Variants in DNM3 observed in about 807,000 individuals in gnomAD.
DNM3 encodes the protein dynamin 3.
A neutral mutation model predicts 101.6 loss-of-function variants in DNM3; 47 were observed. The observed-to-expected ratio is 0.46, with a 90% CI of 0.37 to 0.59. The LOEUF (loss-of-function observed/expected upper bound fraction) is 0.59. Among genes scored for constraint, DNM3 ranks in the 20% least tolerant of loss-of-function variants. DNM3 has a pLI of 0.00. For missense variants in DNM3, 849 were observed against 1,085.7 expected, an observed-to-expected ratio of 0.78 and a Z score of 3.06; for synonymous variants, 385 against 387.9, an observed-to-expected ratio of 0.99 and a Z score of 0.09.
intron 16 of DNM3, among the ~76,000 whole-genome samples, chr1:172,316,945 A>C (rs563075307): frequency 5.1e-4 from 78 of 152,322 alleles, no homozygotes; most frequent in African/African-American, 1.8e-3. Flanking sequence ...CATTTTTTTC[A>C]GCACCGCACC....
intron 2 of DNM3, among the ~76,000 whole-genome samples, chr1:171,976,733 A>G (rs2044401691): frequency 6.6e-6 from 1 of 152,228 alleles, no homozygotes; most frequent in Admixed American, 6.5e-5. Flanking sequence ...ATACTCATAG[A>G]AAAAGTTTTT....
rs148551609 is a variant in DNM3 at position 172,239,616 on chromosome 1, G to A, written c.1660-13957G>A. ...CCCCTCATGGGATTCCTCTTCCATG[G>A]TCTTTGTCTCCAGAAGCTGAGGATA... On this transcript the variant is annotated intron_variant, in intron 14 of 20. Coordinates refer to ENST00000627582, the MANE Select transcript of DNM3 (RefSeq NM_015569.5). Among the ~76,000 whole-genome samples, 613 of 152,006 alleles carry A rather than the reference G, an allele frequency of 4.0e-3. 6 individuals carry two copies. The highest frequency in any genetic ancestry group is 0.027 in the Middle Eastern group (8 of 294).
At chr1:172,105,130 G>A (rs1572528361) in intron 13 of DNM3, among the ~76,000 whole-genome samples, 1 of 152,172 alleles carries the variant, frequency 6.6e-6, no homozygotes, top group African/African-American at 2.4e-5. Flanking sequence ...CATATGAACA[G>A]TCCATACTAT....
chr1:171,992,121 A>T (rs115863901), intron 4 of DNM3, among the ~76,000 whole-genome samples: 2,295 of 152,282 alleles, frequency 0.015, 53 homozygotes, highest in African/African-American at 0.052. Flanking sequence ...AATGTAAACT[A>T]AAAAAATTGG....
chr1:172,147,910 C>T (rs938437069), intron 14 of DNM3, among the ~76,000 whole-genome samples: 1 of 152,080 alleles, frequency 6.6e-6, no homozygotes, highest in Non-Finnish European at 1.5e-5. Flanking sequence ...CATTTTACAG[C>T]TTCTTTACAG....
chr1:172,368,557 C>A (rs1486111737), intron 17 of DNM3, among the ~76,000 whole-genome samples: 1 of 151,752 alleles, frequency 6.6e-6, no homozygotes, highest in East Asian at 1.9e-4. Flanking sequence ...TAATGATGCA[C>A]TTCAGGGAAC....
At position 172,388,408 on chromosome 1, in the gene DNM3, T is replaced by C. The variant is rs115660141; in HGVS notation, c.2286-165T>C. ...GTGAAGGGGTAGGGAGAGGAAAACT[T>C]ACTTTTCTCCATTTACCCTTTTATC... On this transcript the variant is annotated intron_variant, in intron 19 of 20. Coordinates refer to ENST00000627582, the MANE Select transcript of DNM3 (RefSeq NM_015569.5). Among the ~76,000 whole-genome samples the C allele has an allele frequency of 4.7e-3, 718 of 152,264 alleles. 3 individuals carry two copies. The highest frequency in any genetic ancestry group is 0.016 in the African/African-American group (683 of 41,550).
intron 1 of DNM3, among the ~76,000 whole-genome samples, chr1:171,920,836 A>G (rs1459296217): frequency 6.6e-6 from 1 of 152,228 alleles, no homozygotes; most frequent in African/African-American, 2.4e-5. Flanking sequence ...AACAAATGGA[A>G]TGAGAACAAA....
At chr1:172,298,077 T>G (rs1383003555) in intron 15 of DNM3, among the ~76,000 whole-genome samples, 1 of 152,180 alleles carries the variant, frequency 6.6e-6, no homozygotes, top group Non-Finnish European at 1.5e-5. Flanking sequence ...TCTTGCTATT[T>G]ATCTACTTAA....
chr1:172,393,209 A>G (rs1194207890), intron 20 of DNM3: 1 of 152,266 alleles, frequency 6.6e-6, no homozygotes, highest in Non-Finnish European at 1.5e-5. Context: ...CAAAGACAAA[A>G]GCCATTTAAT....
chr1:172,327,164 A>G (rs954717698), intron 17 of DNM3, among the ~76,000 whole-genome samples: 1 of 152,168 alleles, frequency 6.6e-6, no homozygotes, highest in African/African-American at 2.4e-5. Flanking sequence ...TTAGATGAAT[A>G]ACTGTTTTTA....
intron 1 of DNM3, among the ~76,000 whole-genome samples, chr1:171,884,757 C>CCAAAAGCATCAACAG (rs1239109673): frequency 6.6e-6 from 1 of 152,160 alleles, no homozygotes; most frequent in Non-Finnish European, 1.5e-5. Context: ...AACAGGGTTC[C>CCAAAAGCATCAACAG]CAAAAGCATC....
At chr1:172,337,530 G>A (rs1008115819) in intron 17 of DNM3, among the ~76,000 whole-genome samples, 118 of 152,148 alleles carry the variant, frequency 7.8e-4, no homozygotes, top group African/African-American at 2.7e-3. Context: ...TAAAGTATTT[G>A]AGAAAAACAG....
Position 171,921,826 on chromosome 1 carries a change from T to A in DNM3, c.235+5T>A, listed in dbSNP as rs1477034634. On this transcript the variant is annotated splice_donor_5th_base_variant and intron_variant, in intron 2 of 20. Coordinates refer to ENST00000627582, the MANE Select transcript of DNM3 (RefSeq NM_015569.5). ...AGCTTGTTACTTCTAAAGCAGGTAA[T>A]GAATGAAGATGTTTACCGCATGGAT... The A allele has an allele frequency of 1.3e-6, 2 of 1,593,992 alleles. No homozygotes were observed. The highest frequency in any genetic ancestry group is 1.7e-6 in the Non-Finnish European group (2 of 1,169,170).
intron 14 of DNM3, among the ~76,000 whole-genome samples, chr1:172,212,450 T>C (rs1261781326): frequency 2.0e-5 from 3 of 152,182 alleles, no homozygotes; most frequent in African/African-American, 4.8e-5. Context: ...ATATTTCATA[T>C]GACGGAAAAT....
At chr1:172,361,810 A>C (rs1304802317) in intron 17 of DNM3, among the ~76,000 whole-genome samples, 1 of 151,982 alleles carries the variant, frequency 6.6e-6, no homozygotes, top group Non-Finnish European at 1.5e-5. Context: ...AGCTTTCTAC[A>C]CAAGTCATCA....
intron 14 of DNM3, among the ~76,000 whole-genome samples, chr1:172,190,310 G>A (rs2059668219): frequency 6.6e-6 from 1 of 152,020 alleles, no homozygotes; most frequent in Non-Finnish European, 1.5e-5. Flanking sequence ...ATGGTATCCA[G>A]CTCCATCCAT....
chr1:172,260,377 G>T (rs1346270550), intron 15 of DNM3, among the ~76,000 whole-genome samples: 3 of 151,906 alleles, frequency 2.0e-5, no homozygotes, highest in African/African-American at 7.3e-5. Flanking sequence ...GCTAAGTTTT[G>T]AAGTTTTTAA....
chr1:172,032,069 G>C (rs1346691722), intron 4 of DNM3, among the ~76,000 whole-genome samples: 1 of 152,082 alleles, frequency 6.6e-6, no homozygotes, highest in Non-Finnish European at 1.5e-5. Flanking sequence ...ATTCATATTA[G>C]GTGGAGAACT....
Sources: allele counts gnomAD v4.1 joint callset (sites outside exome capture counted in the v4.1 genomes callset), GRCh38; gene constraint gnomAD v4.1.1; transcripts MANE v1.5; gene names NCBI Gene and HGNC (gene_info 2026-07-23, HGNC 2026-07-21).